CNPY1: variants seen among roughly 807,000 people sequenced by gnomAD.
The protein encoded by CNPY1 is canopy FGF signaling regulator 1.
Under a neutral mutation model 14.4 loss-of-function variants are expected in CNPY1, and 14 were observed. The ratio of observed to expected loss-of-function variants is 0.97; its 90% CI spans 0.64 to 1.52. The LOEUF (loss-of-function observed/expected upper bound fraction) is 1.52, where lower values mean the gene tolerates loss of function less well. Among genes scored for constraint, CNPY1 ranks in the 40% most tolerant of loss-of-function variants. The pLI, the probability that CNPY1 is intolerant of heterozygous loss-of-function variation, is 0.00. For synonymous variants in CNPY1, 43 were observed against 46.5 expected (o/e 0.92, Z 0.31); for missense variants, 129 against 131.5 (o/e 0.98, Z 0.09).
At chr7:155,510,528 G>A (rs1796505695) in intron 2 of CNPY1, 1 of 152,208 alleles carries the variant, frequency 6.6e-6, no homozygotes, top group Admixed American at 6.5e-5. Flanking sequence ...TTGATTTTGA[G>A]CTGCTCTCAA....
At chr7:155,541,047 G>A (rs1364498242) in intron 2 of CNPY1, among the ~76,000 whole-genome samples, 2 of 152,212 alleles carry the variant, frequency 1.3e-5, no homozygotes, top group East Asian at 1.9e-4. Context: ...GAACAGACGA[G>A]GCTTTGTGCC....
At chr7:155,516,112 C>T (rs1180753183) in intron 2 of CNPY1, among the ~76,000 whole-genome samples, 2 of 152,074 alleles carry the variant, frequency 1.3e-5, no homozygotes, top group East Asian at 1.9e-4. Context: ...TAAGAGGACT[C>T]ATTCTGTGTC....
At chr7:155,539,202 G>A (rs182039370) in intron 2 of CNPY1, among the ~76,000 whole-genome samples, 1 of 152,258 alleles carries the variant, frequency 6.6e-6, no homozygotes, top group African/African-American at 2.4e-5. Flanking sequence ...GCATTGTTTG[G>A]GTATTAATAA....
intron 2 of CNPY1, among the ~76,000 whole-genome samples, chr7:155,540,975 T>A (rs1797077712): frequency 6.6e-6 from 1 of 152,150 alleles, no homozygotes; most frequent in Non-Finnish European, 1.5e-5. Flanking sequence ...TCCAATTTGT[T>A]TAAAAAATAA....
intron 4 of CNPY1, among the ~76,000 whole-genome samples, chr7:155,505,265 T>C (rs1447685176): frequency 1.3e-5 from 2 of 152,200 alleles, no homozygotes; most frequent in African/African-American, 4.8e-5. Context: ...GGCTTGCACC[T>C]TTGAGTATCT....
intron 2 of CNPY1, among the ~76,000 whole-genome samples, chr7:155,530,296 C>CTTTTTT (rs11386824): frequency 1.7e-4 from 16 of 96,944 alleles, no homozygotes; most frequent in East Asian, 3.5e-4. Flanking sequence ...CCAGCAGGGT[C>CTTTTTT]TTTTTTTTTT....
chr7:155,508,178 G>C (rs1796393512), intron 3 of CNPY1, among the ~76,000 whole-genome samples: 1 of 152,192 alleles, frequency 6.6e-6, no homozygotes, highest in Non-Finnish European at 1.5e-5. Context: ...TGATTCAACA[G>C]CATTGACTAA....
chr7:155,529,468 C>A (rs749044289), intron 2 of CNPY1, among the ~76,000 whole-genome samples: 3 of 152,216 alleles, frequency 2.0e-5, no homozygotes, highest in Non-Finnish European at 2.9e-5. Flanking sequence ...CACTGAGGAA[C>A]CAGCAGGGCC....
rs73165114 is a variant in CNPY1 at position 155,536,924 on chromosome 7, A to T, written c.99+8907T>A. Among the ~76,000 whole-genome samples, 12,994 of 152,286 alleles carry T rather than the reference A, an allele frequency of 0.085. 732 individuals are homozygous for T. The highest frequency in any genetic ancestry group is 0.13 in the Non-Finnish European group (8,563 of 68,010). On this transcript the variant is annotated intron_variant, in intron 2 of 4. Coordinates refer to ENST00000636446, the MANE Select transcript of CNPY1 (RefSeq NM_001393663.1). This position sits in a 1 kb window ranked among gnomAD's most constrained non-coding sequence, Gnocchi z 4.1. ...GATGGTGTTTCTCTTTTTAAATAAG[A>T]TAAAAGAGAAATAAAATAGAAGATG... is the stretch of plus-strand genomic sequence containing the variant.
At chr7:155,535,783 C>T (rs954621393) in intron 2 of CNPY1, among the ~76,000 whole-genome samples, 1 of 152,114 alleles carries the variant, frequency 6.6e-6, no homozygotes, top group Non-Finnish European at 1.5e-5. Context: ...GGATCAGGGT[C>T]GTGTCATTGG....
chr7:155,516,946 G>T (rs549484968), intron 2 of CNPY1, among the ~76,000 whole-genome samples: 10 of 152,168 alleles, frequency 6.6e-5, no homozygotes, highest in Non-Finnish European at 1.3e-4. Context: ...TGTGATTGGG[G>T]TCTCCGCCAC....
At chr7:155,520,372 G>A (rs534740802) in intron 2 of CNPY1, among the ~76,000 whole-genome samples, 4 of 151,524 alleles carry the variant, frequency 2.6e-5, no homozygotes, top group African/African-American at 7.3e-5. Context: ...ATTTCTTAGC[G>A]CCTGCTGGGA....
intron 2 of CNPY1, among the ~76,000 whole-genome samples, chr7:155,526,205 G>C (rs1010556120): frequency 4.6e-5 from 7 of 152,190 alleles, no homozygotes; most frequent in Non-Finnish European, 8.8e-5. Context: ...AAGTGACACA[G>C]TGTCATTCCA....
At chr7:155,538,209 T>C (rs1797045144) in intron 2 of CNPY1, among the ~76,000 whole-genome samples, 2 of 152,252 alleles carry the variant, frequency 1.3e-5, no homozygotes, top group Admixed American at 1.3e-4. Context: ...GTGGCATCCA[T>C]GGGCCAACAG....
intron 2 of CNPY1, among the ~76,000 whole-genome samples, chr7:155,544,780 CG>C (rs1797139832): frequency 6.6e-6 from 1 of 152,148 alleles, no homozygotes; most frequent in South Asian, 2.1e-4. Context: ...TTGCCAGACA[CG>C]GCTCTTGAAG....
chr7:155,531,280 A>T (rs1796933199), intron 2 of CNPY1, among the ~76,000 whole-genome samples: 1 of 152,182 alleles, frequency 6.6e-6, no homozygotes, highest in Non-Finnish European at 1.5e-5. Context: ...CTTTTTTGAA[A>T]GGAAAATTTG....
intron 2 of CNPY1, among the ~76,000 whole-genome samples, chr7:155,544,704 C>A (rs957947136): frequency 6.6e-6 from 1 of 152,184 alleles, no homozygotes; most frequent in Non-Finnish European, 1.5e-5. Flanking sequence ...CTTGAGATTC[C>A]GGGGTGCAGG....
At chr7:155,544,589 G>A (rs1419904843) in intron 2 of CNPY1, among the ~76,000 whole-genome samples, 2 of 152,282 alleles carry the variant, frequency 1.3e-5, no homozygotes, top group East Asian at 3.9e-4. Context: ...CATCTTCCCT[G>A]GCCCTGCTTG....
chr7:155,529,959 T>C (rs1490001796), intron 2 of CNPY1, among the ~76,000 whole-genome samples: 1 of 152,040 alleles, frequency 6.6e-6, no homozygotes, highest in African/African-American at 2.4e-5. Flanking sequence ...ATTTATTGTA[T>C]TTTTAGTAGA....
Sources: allele counts gnomAD v4.1 joint callset (sites outside exome capture counted in the v4.1 genomes callset), GRCh38; gene constraint gnomAD v4.1.1; non-coding constraint Gnocchi (gnomAD v3.1); transcripts MANE v1.5; gene names NCBI Gene and HGNC (gene_info 2026-07-23, HGNC 2026-07-21).